Variants in MSI2 observed in about 807,000 individuals in gnomAD.
MSI2 encodes RNA-binding protein Musashi homolog 2.
Under a neutral mutation model 45.6 loss-of-function variants are expected in MSI2, and 17 were observed. The observed-to-expected ratio is 0.37, with a 90% CI of 0.26 to 0.56. The LOEUF (loss-of-function observed/expected upper bound fraction) is 0.56. Ranked by LOEUF, MSI2 falls within the 20% of genes least tolerant of loss-of-function variation. The probability of loss-of-function intolerance (pLI) is 0.77; values close to 1 mark genes in which losing one functional copy is unlikely to be tolerated. For synonymous variants in MSI2, 156 were observed against 158.2 expected (o/e 0.99, Z 0.11); for missense variants, 293 against 444.2 (o/e 0.66, Z 3.06).
chr17:57,294,788 A>C (rs1034712202), intron 5 of MSI2: 1 of 152,296 alleles, frequency 6.6e-6, no homozygotes, highest in African/African-American at 2.4e-5. Context: ...ATGCAGTGAG[A>C]GGTAATTAGC....
chr17:57,557,658 A>C (rs553896021), intron 7 of MSI2, among the ~76,000 whole-genome samples: 1 of 152,340 alleles, frequency 6.6e-6, no homozygotes, highest in African/African-American at 2.4e-5. Flanking sequence ...TGCCAAGGCA[A>C]GGCTTTCTGC....
intron 5 of MSI2, among the ~76,000 whole-genome samples, chr17:57,391,125 C>T (rs2083783030): frequency 2.6e-5 from 4 of 152,142 alleles, no homozygotes; most frequent in Non-Finnish European, 5.9e-5. Flanking sequence ...TTCCTAAATC[C>T]TGCAGCCTGT....
intron 8 of MSI2, among the ~76,000 whole-genome samples, chr17:57,608,108 G>C (rs1410135231): frequency 3.9e-5 from 6 of 152,224 alleles, no homozygotes. Context: ...AAGGACTGCA[G>C]AGTGGTTAGG....
At chr17:57,373,141 C>T (rs375033726) in intron 5 of MSI2, among the ~76,000 whole-genome samples, 66 of 151,806 alleles carry the variant, frequency 4.3e-4, no homozygotes, top group African/African-American at 1.4e-3. Context: ...TCTGTAGTCC[C>T]AGCCACTTGG....
At chr17:57,625,794 G>A (rs2144599894) in intron 9 of MSI2, 1 of 152,384 alleles carries the variant, frequency 6.6e-6, no homozygotes, top group East Asian at 1.9e-4. Flanking sequence ...TTGACAGGAT[G>A]GCTGGAGAAC....
chr17:57,627,059 C>T lies in MSI2; in HGVS notation c.653-170C>T. On this transcript the variant is annotated intron_variant, in intron 9 of 13. Coordinates refer to ENST00000284073, the MANE Select transcript of MSI2 (RefSeq NM_138962.4). The surrounding 1 kb of genome is among the most constrained non-coding windows in gnomAD (Gnocchi z 4.6). ...AACAGCTGACAGCAGCGCCCCCGGC[C>T]ACAGGAGAGAGGTGACCCAGACCCT... 3 of 645,908 alleles carry T rather than the reference C, an allele frequency of 4.6e-6. No individual in the cohort carries two copies. The East Asian group carries it at 8.2e-5, about 18-fold the overall frequency. 40.0% of individuals were successfully genotyped at this position (645,908 alleles called of 1,614,324 possible).
At chr17:57,371,241 C>CAGTT (rs1200467703) in intron 5 of MSI2, among the ~76,000 whole-genome samples, 1 of 152,130 alleles carries the variant, frequency 6.6e-6, no homozygotes, top group Admixed American at 6.6e-5. Flanking sequence ...TCCATTCAGC[C>CAGTT]AGTTGATGGG....
At chr17:57,287,593 G>C (rs1214122843) in intron 5 of MSI2, among the ~76,000 whole-genome samples, 1 of 152,176 alleles carries the variant, frequency 6.6e-6, no homozygotes, top group Non-Finnish European at 1.5e-5. Flanking sequence ...TTTGCTTTGG[G>C]TACTGGGACT....
intron 7 of MSI2, among the ~76,000 whole-genome samples, chr17:57,535,335 A>C (rs533803458): frequency 6.6e-6 from 1 of 152,232 alleles, no homozygotes; most frequent in East Asian, 1.9e-4. Flanking sequence ...CCTCCAGGGA[A>C]GATCTGGATG....
intron 5 of MSI2, among the ~76,000 whole-genome samples, chr17:57,309,721 T>C (rs1237172873): frequency 6.6e-6 from 1 of 152,196 alleles, no homozygotes; most frequent in Non-Finnish European, 1.5e-5. Context: ...CCTGAGATCC[T>C]GCTCAGGAAG....
chr17:57,396,808 C>G (rs912593723), intron 5 of MSI2, among the ~76,000 whole-genome samples: 1 of 152,186 alleles, frequency 6.6e-6, no homozygotes, highest in Non-Finnish European at 1.5e-5. Context: ...AGCGCACACA[C>G]GCACACATGC....
intron 7 of MSI2, among the ~76,000 whole-genome samples, chr17:57,574,262 ACTGCCAG>A (rs1373071439): frequency 6.6e-6 from 1 of 152,140 alleles, no homozygotes; most frequent in African/African-American, 2.4e-5. Flanking sequence ...GGCCTCCACC[ACTGCCAG>A]CTTCTCTCTC....
At chr17:57,364,606 A>G (rs962235154) in intron 5 of MSI2, among the ~76,000 whole-genome samples, 2 of 152,134 alleles carry the variant, frequency 1.3e-5, no homozygotes, top group African/African-American at 4.8e-5. Flanking sequence ...TTCCACCCAT[A>G]CAATAACCAT....
At chr17:57,436,899 C>T (rs557986882) in intron 6 of MSI2, among the ~76,000 whole-genome samples, 1 of 152,212 alleles carries the variant, frequency 6.6e-6, no homozygotes, top group African/African-American at 2.4e-5. Flanking sequence ...CCTTCCTGTC[C>T]CTTCTCCTGG....
At chr17:57,267,943 T>G (rs1013647030) in intron 5 of MSI2, 11 of 152,180 alleles carry the variant, frequency 7.2e-5, no homozygotes, top group African/African-American at 2.4e-4. Context: ...CTCTCTGCAC[T>G]GCCCTTCCCT....
intron 7 of MSI2, among the ~76,000 whole-genome samples, chr17:57,582,246 A>G (rs754837452): frequency 2.0e-5 from 3 of 152,152 alleles, no homozygotes; most frequent in Non-Finnish European, 4.4e-5. Context: ...ACCTTCTCCT[A>G]GAGAGTCTCC....
At chr17:57,688,640 T>A (rs1913928271), downstream of MSI2, among the ~76,000 whole-genome samples, 1 of 152,130 alleles carries the variant, frequency 6.6e-6, no homozygotes, top group Admixed American at 6.5e-5. Flanking sequence ...TGTGTGTGTA[T>A]AAATGTACAC....
intron 10 of MSI2, among the ~76,000 whole-genome samples, chr17:57,640,192 G>C (rs756020770): frequency 6.6e-6 from 1 of 152,182 alleles, no homozygotes; most frequent in Non-Finnish European, 1.5e-5. Context: ...GGGGCTCCAG[G>C]CTCCGCATTC....
At chr17:57,375,518 G>A (rs998171045) in intron 5 of MSI2, among the ~76,000 whole-genome samples, 5 of 152,218 alleles carry the variant, frequency 3.3e-5, no homozygotes, top group Non-Finnish European at 7.3e-5. Flanking sequence ...CAGGCAGCAT[G>A]GAAGCCATGG....
Sources: gnomAD v4.1 joint callset for allele counts (sites outside exome capture counted in the v4.1 genomes callset) on GRCh38, gnomAD v4.1.1 for gene constraint, Gnocchi (gnomAD v3.1) non-coding constraint, MANE v1.5 for transcripts, NCBI Gene and HGNC (gene_info 2026-07-23, HGNC 2026-07-21) for gene names.